The following MPI variants were observed in gnomAD, a reference collection of about 807,000 sequenced individuals.
MPI encodes mannose phosphate isomerase.
In MPI, 33 loss-of-function variants were observed where a neutral mutation model predicts 40.1. The observed-to-expected ratio is 0.82, with a 90% CI of 0.62 to 1.10. The LOEUF is 1.10. MPI is among the 50% of genes least tolerant of loss of function. The pLI, the probability that MPI is intolerant of heterozygous loss-of-function variation, is 0.00. For missense variants in MPI, 514 were observed against 524.1 expected (o/e 0.98, Z 0.19); for synonymous variants, 187 against 207.4 (o/e 0.90, Z 0.85).
rs1345761503 is a variant in MPI, at chr15:74,893,214, G to A, written c.564G>A (p.Gln188=). The A allele has an allele frequency of 1.3e-5, 21 of 1,614,108 alleles. No homozygotes were observed. Among genetic ancestry groups the A allele is most frequent in the Non-Finnish European group, 1.7e-5 (20 of 1,180,058 alleles). Residue 188 remains glutamine (Q), a synonymous_variant, in exon 5 of 8, where the codon CAG becomes CAA. Coordinates refer to ENST00000352410, the MANE Select transcript of MPI (RefSeq NM_002435.3). Reference sequence around the variant, plus strand: ...AGCAGACCATGAGCCATGACTCCCAGGCTGTGGCCTCCTCTCTGCAGAGCT... The same window carrying A: ...AGCAGACCATGAGCCATGACTCCCAAGCTGTGGCCTCCTCTCTGCAGAGCT... ...HLKQTMSHDS[Q]AVASSLQSCF...
At chr15:74,892,379 G>A (rs1395544926) in intron 3 of MPI, among the ~76,000 whole-genome samples, 1 of 152,240 alleles carries the variant, frequency 6.6e-6, no homozygotes, top group Admixed American at 6.5e-5. Flanking sequence ...GTCAGAGCTT[G>A]GTCTGGTATT....
intron 2 of MPI, 188 bp downstream of exon 2, chr15:74,890,842 T>A (rs1013269051): frequency 1.9e-5 from 14 of 751,034 alleles, no homozygotes; most frequent in Non-Finnish European, 2.5e-5. Flanking sequence ...AGGCTGGGAT[T>A]TCCAGCACTC....
Position 74,901,330 on chromosome 15 carries a change from G to A in MPI, c.*3600G>A, listed in dbSNP as rs1026133267. 1 of 152,096 alleles carries A rather than the reference G, an allele frequency of 6.6e-6. No homozygotes were observed. The highest frequency in any genetic ancestry group is 2.4e-5 in the African/African-American group (1 of 41,400). The allele number at this position is 152,096 out of a possible 1,614,324, so 9.4% of individuals were successfully genotyped here. On this transcript the variant is annotated 3_prime_UTR_variant, in exon 8 of 8. Coordinates refer to ENST00000352410, the MANE Select transcript of MPI (RefSeq NM_002435.3). ...GCCAAAAAACAAAACAAAACCTGTTGGAAAAATTCTAGAAAGAGGCTTGGT... is the reference window on the plus strand; with the variant it reads ...GCCAAAAAACAAAACAAAACCTGTTAGAAAAATTCTAGAAAGAGGCTTGGT...
chr15:74,898,220 TGTGTTGAGGCTGTGGGG>T lies in MPI; in HGVS notation c.*491_*507del. ...TCTGTCAAAGCAATTAAAGATCACT[TGTGTTGAGGCTGTGGGG>T]TAATGAGCACTCAGCCTTTGGGGTA... is the stretch of plus-strand genomic sequence containing the variant. On this transcript the variant is annotated 3_prime_UTR_variant, in exon 8 of 8. Transcript: ENST00000352410. 3.8e-6 allele frequency: 1 copy of T among 262,164 alleles called. No homozygotes were observed. The highest frequency in any genetic ancestry group is 7.6e-6 in the Non-Finnish European group (1 of 131,580). 16.2% of individuals were successfully genotyped at this position (262,164 alleles called of 1,614,324 possible).
intron 5 of MPI, among the ~76,000 whole-genome samples, chr15:74,894,095 T>TTTTCTGAGACA (rs1567267231): frequency 1.8e-5 from 1 of 54,948 alleles, no homozygotes; most frequent in Non-Finnish European, 3.6e-5. Flanking sequence ...TGTGTGTGTG[T>TTTTCTGAGACA]GTGTGTGTGT....
In MPI at chr15:74,890,557, A is replaced by T. The variant is rs749914784; in HGVS notation, c.47A>T (p.Tyr16Phe). 3.1e-6 allele frequency: 5 copies of T among 1,614,058 alleles called. No homozygotes were observed. Among genetic ancestry groups the T allele is most frequent in the Non-Finnish European group, 4.2e-6 (5 of 1,180,034 alleles). Residue 16 changes from tyrosine to phenylalanine, a missense_variant, in exon 2 of 8, where the codon TAT (tyrosine) becomes TTT (phenylalanine). Physicochemically the swap from Tyr to Phe is conservative, Grantham distance 22 (BLOSUM62 3). Transcript: ENST00000352410. ...VFPLSCAVQQ[Y>F]AWGKMGSNSE... Reference sequence around the variant, plus strand: ...CCACTTTCCTGTGCGGTGCAGCAGTATGCCTGGGGGAAGATGGGTTCCAAC... The same window carrying T: ...CCACTTTCCTGTGCGGTGCAGCAGTTTGCCTGGGGGAAGATGGGTTCCAAC...
At chr15:74,894,803 AAAAG>A (rs1481952612) in intron 5 of MPI, among the ~76,000 whole-genome samples, 1 of 149,234 alleles carries the variant, frequency 6.7e-6, no homozygotes, top group Non-Finnish European at 1.5e-5. Flanking sequence ...AAAAAAAAGA[AAAAG>A]AAAAAGAAAA....
chr15:74,890,437 G>A (rs756091072), intron 1 of MPI, 90 bp from the exon 2 acceptor site: 7 of 1,570,586 alleles, frequency 4.5e-6, no homozygotes, highest in Middle Eastern at 4.1e-4. Context: ...TCTGTCCCCA[G>A]TGAGCACCCC....
At position 74,893,253 on chromosome 15, in the gene MPI, G is replaced by C. The variant is rs369609955; in HGVS notation, c.603G>C (p.Leu201=). Residue 201 remains leucine (L), a synonymous_variant, in exon 5 of 8, where the codon CTG becomes CTC. Coordinates refer to ENST00000352410, the MANE Select transcript of MPI (RefSeq NM_002435.3). ...ASSLQSCFSH[L]MKSEKKVVVE... ...CTCTGCAGAGCTGTTTCTCCCACCT[G>C]ATGAAGAGTGAGAAGAAGGTGGTGG... 5.6e-6 allele frequency: 9 copies of C among 1,614,122 alleles called. No homozygotes were observed. Among genetic ancestry groups the C allele is most frequent in the Non-Finnish European group, 7.6e-6 (9 of 1,180,046 alleles).
rs2064854051 is a variant in MPI, at chr15:74,898,306, C to T, written c.*576C>T. On this transcript the variant is annotated 3_prime_UTR_variant, in exon 8 of 8. Coordinates refer to ENST00000352410, the MANE Select transcript of MPI (RefSeq NM_002435.3). ...CAAAAGAGCCCTCCCTACATGATGC[C>T]CCAGTTTTTGCTTTATTCCTATTTC... The T allele has an allele frequency of 5.5e-6, 1 of 181,840 alleles. No individual in the cohort carries two copies. Among genetic ancestry groups the T allele is most frequent in the Non-Finnish European group, 1.2e-5 (1 of 83,968 alleles). 11.3% of individuals were successfully genotyped at this position (181,840 alleles called of 1,614,324 possible).
Position 74,896,772 on chromosome 15 carries a change from A to G in MPI, c.845-239A>G, listed in dbSNP as rs558412813. The G allele has an allele frequency of 8.0e-6, 5 of 624,676 alleles. No homozygotes were observed. The African/African-American group carries it at 9.1e-5, about 11-fold the overall frequency. 38.7% of individuals were successfully genotyped at this position (624,676 alleles called of 1,614,324 possible). A position where few individuals can be genotyped will look rare whatever the true frequency, so the allele number is the denominator to read the frequency against. On this transcript the variant is annotated intron_variant, in intron 6 of 7. Coordinates refer to ENST00000352410, the MANE Select transcript of MPI (RefSeq NM_002435.3). Reference sequence around the variant, plus strand: ...CAGGATTCTGGGGTAGAAGTGGGAGACTACAGAGTTGGGGCTCCCCAACCC... The same window carrying G: ...CAGGATTCTGGGGTAGAAGTGGGAGGCTACAGAGTTGGGGCTCCCCAACCC...
rs1404564032 is a variant in MPI, at chr15:74,900,675, C to G, written c.*2945C>G. On this transcript the variant is annotated 3_prime_UTR_variant, in exon 8 of 8. Coordinates refer to ENST00000352410, the MANE Select transcript of MPI (RefSeq NM_002435.3). ...TTCTGGATGGAGATGTTCTTGAGCT[C>G]TACAAGCATTTGCACAAAGTGCTCA... 2.6e-5 allele frequency: 4 copies of G among 152,230 alleles called. No homozygotes were observed. Among genetic ancestry groups the G allele is most frequent in the Non-Finnish European group, 5.9e-5 (4 of 68,070 alleles). 9.4% of individuals were successfully genotyped at this position (152,230 alleles called of 1,614,324 possible). A position where few individuals can be genotyped will look rare whatever the true frequency, so the allele number is the denominator to read the frequency against.
intron 3 of MPI, among the ~76,000 whole-genome samples, chr15:74,892,269 G>T (rs1186681405): frequency 1.3e-5 from 2 of 152,218 alleles, no homozygotes; most frequent in Non-Finnish European, 2.9e-5. Context: ...TGGGATTACA[G>T]GCGTGAGCCA....
chr15:74,892,903 G>A (rs146221197), intron 4 of MPI, 101 bp downstream of exon 4: 43 of 1,577,672 alleles, frequency 2.7e-5, no homozygotes, highest in Non-Finnish European at 3.7e-5. Context: ...CATGTCACAG[G>A]AACTGAAGGG....
Position 74,901,798 on chromosome 15 carries a change from G to A in MPI, c.*4068G>A, listed in dbSNP as rs944041488. ...TAATAATAAAAACTGCAGGCTTCTGGGGCCAGCCCCAGTACCTTCGACCTA... is the reference window on the plus strand; with the variant it reads ...TAATAATAAAAACTGCAGGCTTCTGAGGCCAGCCCCAGTACCTTCGACCTA... On this transcript the variant is annotated 3_prime_UTR_variant, in exon 8 of 8. Transcript: ENST00000352410. The A allele has an allele frequency of 3.2e-5, 9 of 280,450 alleles. No individual in the cohort carries two copies. In the East Asian group the frequency reaches 4.2e-4, roughly 13 times the overall value. The allele number at this position is 280,450 out of a possible 1,614,324, so 17.4% of individuals were successfully genotyped here.
At chr15:74,896,503 ATTGAACACGCC>A (rs1317736709) in intron 6 of MPI, 178 bp downstream of exon 6, 1 of 733,970 alleles carries the variant, frequency 1.4e-6, no homozygotes, top group Non-Finnish European at 2.4e-6. Context: ...TGCATTTAGC[ATTGAACACGCC>A]TTGAATCCTG....
intron 1 of MPI, 175 bp downstream of exon 1, chr15:74,890,264 CT>C: frequency 1.0e-6 from 1 of 1,000,882 alleles, no homozygotes; most frequent in Non-Finnish European, 1.5e-6. Flanking sequence ...GGAGGGGGCC[CT>C]TCTAGACGTC....
At chr15:74,896,988 G>T in intron 6 of MPI, 23 bp from the exon 7 acceptor site, 2 of 1,612,646 alleles carry the variant, frequency 1.2e-6, no homozygotes, top group Non-Finnish European at 1.7e-6. Context: ...CATCAGCTTA[G>T]CACATGACGA....
At chr15:74,893,117 C>T in intron 4 of MPI, 21 bp from the exon 5 acceptor site, 2 of 1,613,422 alleles carry the variant, frequency 1.2e-6, no homozygotes, top group Admixed American at 1.7e-5. Context: ...GATATGGGCC[C>T]TGGGCCTTGC....
Sources: gnomAD v4.1 joint callset for allele counts (sites outside exome capture counted in the v4.1 genomes callset) on GRCh38, gnomAD v4.1.1 for gene constraint, MANE v1.5 for transcripts, NCBI Gene and HGNC (gene_info 2026-07-23, HGNC 2026-07-21) for gene names.